EHMT1: variants seen among roughly 807,000 people sequenced by gnomAD.
EHMT1 encodes the protein euchromatic histone lysine methyltransferase 1.
A neutral mutation model predicts 147.2 loss-of-function variants in EHMT1; 15 were observed. The observed-to-expected ratio is 0.10, with a 90% CI of 0.07 to 0.16. The LOEUF (loss-of-function observed/expected upper bound fraction) is 0.16. Ranked by LOEUF, EHMT1 falls within the 10% of genes least tolerant of loss-of-function variation. The pLI is 1.00. For missense variants in EHMT1, 1,587 were observed against 1,772.4 expected, an observed-to-expected ratio of 0.90 and a Z score of 1.88; for synonymous variants, 795 against 709.6, an observed-to-expected ratio of 1.12 and a Z score of -1.91.
At chr9:137,713,312 C>T (rs1341076672) in intron 2 of EHMT1, among the ~76,000 whole-genome samples, 3 of 149,470 alleles carry the variant, frequency 2.0e-5, no homozygotes, top group South Asian at 2.1e-4. Flanking sequence ...CTCTGTCACC[C>T]GGGCTGGAGT....
At chr9:137,790,046 C>T (rs116779323) in intron 15 of EHMT1, among the ~76,000 whole-genome samples, 1,603 of 152,314 alleles carry the variant, frequency 0.011, 28 homozygotes, top group African/African-American at 0.036. Context: ...CCCCCTTAGC[C>T]GTTATGAGTT....
chr9:137,638,795 T>C (rs1417762984), intron 1 of EHMT1, among the ~76,000 whole-genome samples: 1 of 151,430 alleles, frequency 6.6e-6, no homozygotes, highest in African/African-American at 2.4e-5. Flanking sequence ...GAAGACAGCA[T>C]GCGGACACAC....
At chr9:137,702,985 C>G (rs1943963400) in intron 1 of EHMT1, among the ~76,000 whole-genome samples, 1 of 152,212 alleles carries the variant, frequency 6.6e-6, no homozygotes, top group African/African-American at 2.4e-5. Flanking sequence ...GGCTCCCAAG[C>G]CTTAACTCTT....
chr9:137,706,471 T>C (rs1344110011), intron 1 of EHMT1, among the ~76,000 whole-genome samples: 3 of 152,268 alleles, frequency 2.0e-5, no homozygotes, highest in Non-Finnish European at 2.9e-5. Flanking sequence ...GTCACTGTTA[T>C]GAACAGGAGC....
intron 1 of EHMT1, among the ~76,000 whole-genome samples, chr9:137,675,458 A>C (rs917023388): frequency 1.3e-5 from 2 of 151,634 alleles, no homozygotes; most frequent in African/African-American, 4.9e-5. Context: ...TTACTTTTTA[A>C]ATTTTATTTA....
intron 1 of EHMT1, among the ~76,000 whole-genome samples, chr9:137,698,738 T>C (rs1943597888): frequency 6.6e-6 from 1 of 152,196 alleles, no homozygotes; most frequent in Non-Finnish European, 1.5e-5. Flanking sequence ...TCAACACAGT[T>C]CCATTGGTTC....
intron 1 of EHMT1, among the ~76,000 whole-genome samples, chr9:137,692,260 TTTCTTTC>T (rs1321062797): frequency 2.9e-5 from 4 of 139,750 alleles, no homozygotes; most frequent in African/African-American, 8.6e-5. Flanking sequence ...TCTTTCTTTC[TTTCTTTC>T]TTTTTTTTTT....
chr9:137,771,560 TC>T (rs1294318581), intron 10 of EHMT1, among the ~76,000 whole-genome samples: 1 of 152,194 alleles, frequency 6.6e-6, no homozygotes, highest in Non-Finnish European at 1.5e-5. Context: ...TCTGTGCTCC[TC>T]GGAGTCCTGG....
chr9:137,684,789 C>T (rs956131402), intron 1 of EHMT1, among the ~76,000 whole-genome samples: 1 of 152,176 alleles, frequency 6.6e-6, no homozygotes, highest in Admixed American at 6.5e-5. Context: ...CCATACCCAG[C>T]GTACAAAGCC....
chr9:137,737,285 G>T (rs1338238324), intron 4 of EHMT1, among the ~76,000 whole-genome samples: 5 of 152,206 alleles, frequency 3.3e-5, no homozygotes, highest in Non-Finnish European at 5.9e-5. Context: ...ACTCAAAACA[G>T]TGTTATTCCA....
intron 1 of EHMT1, chr9:137,675,345 A>G (rs1409934550): frequency 6.6e-6 from 1 of 152,242 alleles, no homozygotes; most frequent in Non-Finnish European, 1.5e-5. Flanking sequence ...ATGTGGCTTA[A>G]AATAAGGTAG....
Position 137,782,214 on chromosome 9 carries a change from G to C in EHMT1, c.2276-77G>C. 1.0e-5 allele frequency: 14 copies of C among 1,373,082 alleles called. No homozygotes were observed. The highest frequency in any genetic ancestry group is 1.4e-5 in the Non-Finnish European group (14 of 985,138). 85.1% of individuals were successfully genotyped at this position (1,373,082 alleles called of 1,614,324 possible). The stretch of plus-strand genomic sequence containing the variant: ...GGAGGATGGTCATTTGTGAGTGCTT[G>C]CCAGCCATCGTGACAGTCCTGAGCT... On this transcript the variant is annotated intron_variant, in intron 14 of 26. Coordinates refer to ENST00000460843, the MANE Select transcript of EHMT1 (RefSeq NM_024757.5). This position sits in a 1 kb window ranked among gnomAD's most constrained non-coding sequence, Gnocchi z 5.7.
In EHMT1 at chr9:137,834,947, C is replaced by G; in HGVS notation, c.3891C>G (p.Pro1297=). 11 of 1,459,450 alleles carry G rather than the reference C, an allele frequency of 7.5e-6. No individual in the cohort carries two copies. The highest frequency in any genetic ancestry group is 8.1e-6 in the Non-Finnish European group (9 of 1,114,428). The allele number at this position is 1,459,450 out of a possible 1,614,324, so 90.4% of individuals were successfully genotyped here. The part of the protein sequence containing the change: ...PDTSSAAAAD[P]L ...CCAGCTCCGCGGCTGCCGCCGACCC[C>G]CTATGAGACGCCGCCGGCCAGCGGG... The change falls in exon 27 of 27, where the codon CCC becomes CCG. Residue 1297 remains proline (P), a synonymous_variant. Transcript: ENST00000460843.
chr9:137,781,087 CGCTGGGATGTGTGGTGAT>C (rs1951450616), intron 14 of EHMT1, among the ~76,000 whole-genome samples: 1 of 90,710 alleles, frequency 1.1e-5, no homozygotes, highest in African/African-American at 5.0e-5. Flanking sequence ...GTGGTGATGA[CGCTGGGATGTGTGGTGAT>C]GACGCTGAGA....
At chr9:137,680,612 G>C (rs912271940) in intron 1 of EHMT1, among the ~76,000 whole-genome samples, 2 of 152,224 alleles carry the variant, frequency 1.3e-5, no homozygotes, top group Non-Finnish European at 2.9e-5. Flanking sequence ...CATCAGTACT[G>C]TTTGTCCATT....
intron 25 of EHMT1, among the ~76,000 whole-genome samples, chr9:137,826,668 C>T (rs1034276030): frequency 6.6e-6 from 1 of 152,238 alleles, no homozygotes; most frequent in Non-Finnish European, 1.5e-5. Flanking sequence ...GAGACCAAGA[C>T]AGGCGGGTGG....
intron 25 of EHMT1, among the ~76,000 whole-genome samples, chr9:137,823,155 G>A (rs1379454835): frequency 6.9e-6 from 1 of 145,544 alleles, no homozygotes; most frequent in African/African-American, 2.6e-5. Context: ...CTGGAGTGCA[G>A]TGACGCAGTC....
At chr9:137,635,747 G>A (rs1844007288) in intron 1 of EHMT1, among the ~76,000 whole-genome samples, 2 of 150,974 alleles carry the variant, frequency 1.3e-5, no homozygotes, top group Admixed American at 1.3e-4. Context: ...ATGAACCTGG[G>A]AGGCGGAGCT....
Position 137,727,863 on chromosome 9 carries a change from G to C in EHMT1, c.643-486G>C, listed in dbSNP as rs184151904. Reference sequence around the variant, plus strand: ...CACACAACATAGTTACCTACTGTGGGATAAATGCCATTTGGGGATGTTGCA... The same window carrying C: ...CACACAACATAGTTACCTACTGTGGCATAAATGCCATTTGGGGATGTTGCA... On this transcript the variant is annotated intron_variant, in intron 3 of 26. Transcript: ENST00000460843. 2.7e-4 allele frequency among the ~76,000 whole-genome samples: 41 copies of C among 152,378 alleles called. No homozygotes were observed. The East Asian group carries it at 7.9e-3, about 29-fold the overall frequency.
Sources: allele counts gnomAD v4.1 joint callset (sites outside exome capture counted in the v4.1 genomes callset), GRCh38; gene constraint gnomAD v4.1.1; non-coding constraint Gnocchi (gnomAD v3.1); transcripts MANE v1.5; gene names NCBI Gene and HGNC (gene_info 2026-07-23, HGNC 2026-07-21).